GOLPH3: variants seen among roughly 807,000 people sequenced by gnomAD.
GOLPH3 encodes golgi phosphoprotein 3, also known as coat protein GPP34.
A neutral mutation model predicts 28.5 loss-of-function variants in GOLPH3; 14 were observed. The observed-to-expected ratio is 0.49, with a 90% CI of 0.32 to 0.77. The LOEUF (loss-of-function observed/expected upper bound fraction) is 0.77. Ranked by LOEUF, GOLPH3 falls within the 30% of genes least tolerant of loss-of-function variation. GOLPH3 has a pLI of 0.03. For missense variants in GOLPH3, 350 were observed against 393.7 expected, an observed-to-expected ratio of 0.89 and a Z score of 0.94; for synonymous variants, 158 against 159.2, an observed-to-expected ratio of 0.99 and a Z score of 0.06.
intron 2 of GOLPH3, among the ~76,000 whole-genome samples, chr5:32,142,183 A>G (rs1005636805): frequency 3.0e-5 from 4 of 133,958 alleles, no homozygotes; most frequent in African/African-American, 1.2e-4. Context: ...GGCCGCCATC[A>G]CATCTGGGAA....
intron 1 of GOLPH3, among the ~76,000 whole-genome samples, chr5:32,152,685 G>A (rs1746333834): frequency 6.6e-6 from 1 of 151,570 alleles, no homozygotes; most frequent in Non-Finnish European, 1.5e-5. Flanking sequence ...AGGAGGCTGA[G>A]GCAGGAGAAT....
At chr5:32,130,920 T>A (rs546874851) in intron 3 of GOLPH3, among the ~76,000 whole-genome samples, 1 of 152,178 alleles carries the variant, frequency 6.6e-6, no homozygotes, top group Non-Finnish European at 1.5e-5. Flanking sequence ...CTGTGGAAAT[T>A]TCCCAATTCC....
chr5:32,141,833 A>G (rs977874163), intron 2 of GOLPH3, among the ~76,000 whole-genome samples: 42 of 151,944 alleles, frequency 2.8e-4, no homozygotes, highest in African/African-American at 1.0e-3. Context: ...CCAGCTCCTA[A>G]CCGCGAGTGA....
intron 1 of GOLPH3, among the ~76,000 whole-genome samples, chr5:32,168,133 A>G (rs539576770): frequency 3.2e-4 from 48 of 152,332 alleles, no homozygotes; most frequent in African/African-American, 1.0e-3. Context: ...AAAACTCAGA[A>G]GCCTTTATTA....
chr5:32,158,127 TAAAATACACACACAC>T (rs1746490975), intron 1 of GOLPH3, among the ~76,000 whole-genome samples: 11 of 31,706 alleles, frequency 3.5e-4, no homozygotes, highest in African/African-American at 7.4e-4. Context: ...AATAAATAAA[TAAAATACACACACAC>T]ACACACACAC....
intron 1 of GOLPH3, among the ~76,000 whole-genome samples, chr5:32,166,199 T>A (rs1394216041): frequency 6.6e-6 from 1 of 152,332 alleles, no homozygotes; most frequent in Admixed American, 6.5e-5. Flanking sequence ...ATAAGTAAAT[T>A]TTTTTGTTGT....
At chr5:32,167,112 CA>C (rs1746732894) in intron 1 of GOLPH3, among the ~76,000 whole-genome samples, 1 of 152,178 alleles carries the variant, frequency 6.6e-6, no homozygotes, top group African/African-American at 2.4e-5. Flanking sequence ...CTTTAAATAT[CA>C]AAAAAATCCC....
chr5:32,157,710 C>T (rs187371782), intron 1 of GOLPH3, among the ~76,000 whole-genome samples: 123 of 152,310 alleles, frequency 8.1e-4, no homozygotes, highest in Admixed American at 1.3e-3. Context: ...GGCATAGTGG[C>T]TCACGCCTCT....
At chr5:32,167,232 C>T (rs781358020) in intron 1 of GOLPH3, among the ~76,000 whole-genome samples, 8 of 152,110 alleles carry the variant, frequency 5.3e-5, no homozygotes, top group East Asian at 1.9e-4. Flanking sequence ...AGTGCAGTGG[C>T]GCAATCTTGG....
chr5:32,153,062 G>A (rs1367628404), intron 1 of GOLPH3, among the ~76,000 whole-genome samples: 3 of 152,056 alleles, frequency 2.0e-5, no homozygotes, highest in Admixed American at 2.0e-4. Flanking sequence ...GCAAAAGTTT[G>A]GAAACAACCC....
intron 1 of GOLPH3, among the ~76,000 whole-genome samples, chr5:32,144,508 GT>G (rs1746147677): frequency 6.6e-6 from 1 of 152,210 alleles, no homozygotes; most frequent in Non-Finnish European, 1.5e-5. Flanking sequence ...GAGGACCACT[GT>G]GTCCAAGAGT....
In GOLPH3 at chr5:32,126,061, C is replaced by T; in HGVS notation, c.*151G>A. 1 of 760,026 alleles carries T rather than the reference C, an allele frequency of 1.3e-6. No individual in the cohort carries two copies. The highest frequency in any genetic ancestry group is 2.2e-6 in the Non-Finnish European group (1 of 463,316). The allele number at this position is 760,026 out of a possible 1,614,324, so 47.1% of individuals were successfully genotyped here. Reference sequence around the variant, plus strand: ...CCTCTCGTACCAGCAGAATCCTGTACACGTACAAAAAAGAAAAAGCCACCC... The same window carrying T: ...CCTCTCGTACCAGCAGAATCCTGTATACGTACAAAAAAGAAAAAGCCACCC... On this transcript the variant is annotated 3_prime_UTR_variant, in exon 4 of 4. Coordinates refer to ENST00000265070, the MANE Select transcript of GOLPH3 (RefSeq NM_022130.4).
intron 1 of GOLPH3, among the ~76,000 whole-genome samples, chr5:32,148,086 C>T (rs1261036123): frequency 2.6e-5 from 4 of 152,114 alleles, no homozygotes; most frequent in Non-Finnish European, 5.9e-5. Context: ...TAAAGAGACC[C>T]AGGTGTGGAT....
intron 2 of GOLPH3, among the ~76,000 whole-genome samples, chr5:32,142,122 C>T (rs1746080668): frequency 1.3e-5 from 2 of 149,628 alleles, no homozygotes; most frequent in South Asian, 2.1e-4. Flanking sequence ...AAGTGAGGAG[C>T]GTCTCTGCCC....
At chr5:32,140,405 C>A (rs1272568744) in intron 2 of GOLPH3, among the ~76,000 whole-genome samples, 1 of 152,050 alleles carries the variant, frequency 6.6e-6, no homozygotes, top group Non-Finnish European at 1.5e-5. Flanking sequence ...CCTATAATCC[C>A]AGCACTTTGG....
At chr5:32,151,351 C>T (rs76149016) in intron 1 of GOLPH3, among the ~76,000 whole-genome samples, 4,822 of 152,044 alleles carry the variant, frequency 0.032, 156 homozygotes, top group East Asian at 0.17. Context: ...ACAGCGAGAG[C>T]TGTCTCTACA....
intron 1 of GOLPH3, among the ~76,000 whole-genome samples, chr5:32,149,184 A>G (rs963170120): frequency 6.6e-6 from 1 of 152,264 alleles, no homozygotes; most frequent in African/African-American, 2.4e-5. Context: ...AAAGGAAAAC[A>G]GAAGACAAAT....
intron 1 of GOLPH3, among the ~76,000 whole-genome samples, chr5:32,148,714 G>A (rs1055789791): frequency 5.3e-5 from 8 of 152,174 alleles, no homozygotes; most frequent in South Asian, 2.1e-4. Context: ...GGAGAATAAC[G>A]TGACCCCAGG....
chr5:32,126,122 G>A lies in GOLPH3; in HGVS notation c.*90C>T, dbSNP rs1354059021. ...AAAACAGAAGCCAATTATAGTGTGG[G>A]AAAGTACAAATTACAGAAAACCAGA... On this transcript the variant is annotated 3_prime_UTR_variant, in exon 4 of 4. Transcript: ENST00000265070. 7.5e-7 allele frequency: 1 copy of A among 1,332,302 alleles called. No homozygotes were observed. 82.5% of individuals were successfully genotyped at this position (1,332,302 alleles called of 1,614,324 possible).
Sources: allele counts gnomAD v4.1 joint callset (sites outside exome capture counted in the v4.1 genomes callset), GRCh38; gene constraint gnomAD v4.1.1; transcripts MANE v1.5; gene names NCBI Gene and HGNC (gene_info 2026-07-23, HGNC 2026-07-21).